The following NAALADL2 variants were observed in gnomAD, a reference collection of about 807,000 sequenced individuals.
The protein encoded by NAALADL2 is inactive N-acetylated-alpha-linked acidic dipeptidase-like protein 2.
A neutral mutation model predicts 87.2 loss-of-function variants in NAALADL2; 76 were observed. That is an observed-to-expected ratio of 0.87 (90% CI 0.72 to 1.05). The LOEUF is 1.05. Ranked by LOEUF, NAALADL2 falls within the 50% of genes least tolerant of loss-of-function variation. The probability of loss-of-function intolerance (pLI) is 0.00; values close to 1 mark genes in which losing one functional copy is unlikely to be tolerated. For missense variants in NAALADL2, 1,089 were observed against 945.8 expected (o/e 1.15, Z -1.99); for synonymous variants, 354 against 331.0 (o/e 1.07, Z -0.75).
rs540242637 is a variant in NAALADL2 at position 174,656,471 on chromosome 3, T to C, written c.-114-81170T>C. On this transcript the variant is annotated intron_variant, in intron 2 of 3. Transcript: ENST00000434257. ...GATTTAATTGAGAAAAAAATGAAAA[T>C]GTGAGTGTTCTCAAATGGAGAAGTG... 4.1e-4 allele frequency among the ~76,000 whole-genome samples: 63 copies of C among 152,118 alleles called. 1 individual carries two copies. Among genetic ancestry groups the C allele is most frequent in the Non-Finnish European group, 6.8e-4 (46 of 68,010 alleles).
intron 1 of NAALADL2, among the ~76,000 whole-genome samples, chr3:174,881,587 GT>G (rs1729202245): frequency 6.6e-6 from 1 of 151,992 alleles, no homozygotes; most frequent in Non-Finnish European, 1.5e-5. Context: ...ATGTTTGTTG[GT>G]TTATTATTTA....
intron 1 of NAALADL2, among the ~76,000 whole-genome samples, chr3:174,869,396 G>A (rs1452815593): frequency 6.6e-6 from 1 of 152,130 alleles, no homozygotes; most frequent in Non-Finnish European, 1.5e-5. Flanking sequence ...GTTCAGTGAA[G>A]GAAAGAATGA....
chr3:175,630,349 C>G (rs139155744), intron 11 of NAALADL2, among the ~76,000 whole-genome samples: 1,686 of 151,608 alleles, frequency 0.011, 31 homozygotes, highest in African/African-American at 0.038. Flanking sequence ...GTTTTATTTT[C>G]TACGACAAAA....
chr3:175,581,169 C>T (rs746414983), intron 10 of NAALADL2: 15 of 382,904 alleles, frequency 3.9e-5, no homozygotes, highest in South Asian at 2.1e-4. Context: ...AGGCCGGACG[C>T]GGTGGCTCAT....
At chr3:174,564,544 T>A (rs1714007934) in intron 2 of NAALADL2, among the ~76,000 whole-genome samples, 1 of 152,186 alleles carries the variant, frequency 6.6e-6, no homozygotes, top group African/African-American at 2.4e-5. Flanking sequence ...TGTTATACAT[T>A]TCTATAACTG....
At chr3:175,597,335 A>G (rs986702290) in intron 10 of NAALADL2, among the ~76,000 whole-genome samples, 2 of 152,030 alleles carry the variant, frequency 1.3e-5, no homozygotes, top group Non-Finnish European at 1.5e-5. Flanking sequence ...CTCAATAATC[A>G]ATACTGCAAG....
rs1394609578 is a variant in NAALADL2 at position 175,121,247 on chromosome 3, C to T, written c.545+23956C>T. Among the ~76,000 whole-genome samples the T allele has an allele frequency of 2.6e-5, 4 of 151,828 alleles. No individual in the cohort carries two copies. In the South Asian group the frequency reaches 6.2e-4, roughly 24 times the overall value. On this transcript the variant is annotated intron_variant, in intron 2 of 13. Coordinates refer to ENST00000454872, the MANE Select transcript of NAALADL2 (RefSeq NM_207015.3). ...TGTGTTGGTGATGGCTGGGTCATCACTGATTACATACTTGCCACCTGACTT... is the reference window on the plus strand; with the variant it reads ...TGTGTTGGTGATGGCTGGGTCATCATTGATTACATACTTGCCACCTGACTT...
rs554012156 is a variant in NAALADL2 at position 175,766,901 on chromosome 3, A to T, written c.2189+11483A>T. Among the ~76,000 whole-genome samples the T allele has an allele frequency of 7.9e-5, 12 of 152,294 alleles. No individual in the cohort carries two copies. In the East Asian group the frequency reaches 2.1e-3, roughly 27 times the overall value. ...TTTTCTTCTTATAATAAGAAAGTAG[A>T]TCTGTAAGCCACAAAAAAAATACGG... On this transcript the variant is annotated intron_variant, in intron 13 of 13. Coordinates refer to ENST00000454872, the MANE Select transcript of NAALADL2 (RefSeq NM_207015.3).
chr3:175,228,908 T>C (rs1219261039), intron 2 of NAALADL2, among the ~76,000 whole-genome samples: 1 of 151,936 alleles, frequency 6.6e-6, no homozygotes, highest in Admixed American at 6.6e-5. Context: ...TTGCAAAATA[T>C]ATCACATGAT....
At chr3:175,555,271 T>C (rs1413390108) in intron 9 of NAALADL2, among the ~76,000 whole-genome samples, 1 of 152,202 alleles carries the variant, frequency 6.6e-6, no homozygotes, top group East Asian at 1.9e-4. Flanking sequence ...CTGTCCACTA[T>C]AGTGCTCAAT....
chr3:174,796,618 C>G (rs993794897), intron 3 of NAALADL2, among the ~76,000 whole-genome samples: 1 of 151,670 alleles, frequency 6.6e-6, no homozygotes, highest in Non-Finnish European at 1.5e-5. Context: ...TGAATCCGTT[C>G]ATGTGGATGG....
rs886151328 is a variant in NAALADL2, at chr3:174,524,274, A to C, written c.-183-26295A>C. On this transcript the variant is annotated intron_variant, in intron 1 of 3. Coordinates refer to the NAALADL2 transcript ENST00000434257. ...TTGATATATCAAGGCTCACATAGAA[A>C]ATAATGAAATGATAATATTTATGTA... is the stretch of plus-strand genomic sequence containing the variant. Among the ~76,000 whole-genome samples the C allele has an allele frequency of 5.0e-4, 76 of 152,336 alleles. 1 individual carries two copies. The highest frequency in any genetic ancestry group is 1.8e-3 in the African/African-American group (74 of 41,582).
chr3:175,410,901 T>C (rs1482060479), intron 5 of NAALADL2, among the ~76,000 whole-genome samples: 2 of 152,086 alleles, frequency 1.3e-5, no homozygotes, highest in African/African-American at 4.8e-5. Context: ...GAGAGCAGGA[T>C]GTAAGATAGA....
At chr3:174,615,538 T>C (rs1720372413) in intron 2 of NAALADL2, among the ~76,000 whole-genome samples, 1 of 152,176 alleles carries the variant, frequency 6.6e-6, no homozygotes, top group Non-Finnish European at 1.5e-5. Flanking sequence ...AGGAAGATTT[T>C]TTTAAACCTT....
At chr3:174,599,264 TA>T (rs1718217072) in intron 2 of NAALADL2, among the ~76,000 whole-genome samples, 1 of 152,042 alleles carries the variant, frequency 6.6e-6, no homozygotes, top group African/African-American at 2.4e-5. Flanking sequence ...GTAGAGTGGC[TA>T]TAAGGTTGAT....
chr3:175,072,446 TTATC>T lies in NAALADL2; in HGVS notation c.44-24341_44-24338del. Among the ~76,000 whole-genome samples, 5 of 152,024 alleles carry T rather than the reference TTATC, an allele frequency of 3.3e-5. 2 individuals are homozygous for T. In the Middle Eastern group the frequency reaches 0.017, roughly 517 times the overall value. ...TATGAACATTTGAGGACATGCAAAA[TTATC>T]TAGCTATGTCTAAAATGAAAAGAGT... On this transcript the variant is annotated intron_variant, in intron 1 of 13. Transcript: ENST00000454872.
chr3:175,388,941 T>A (rs1160407196), intron 5 of NAALADL2, among the ~76,000 whole-genome samples: 1 of 152,142 alleles, frequency 6.6e-6, no homozygotes, highest in Non-Finnish European at 1.5e-5. Flanking sequence ...ATTGTTCTTT[T>A]ATAGAAAAAA....
rs148200238 is a variant in NAALADL2 at position 175,101,264 on chromosome 3, C to T, written c.545+3973C>T. Among the ~76,000 whole-genome samples the T allele has an allele frequency of 2.4e-3, 359 of 152,300 alleles. 5 individuals carry two copies. The highest frequency in any genetic ancestry group is 8.1e-3 in the African/African-American group (335 of 41,568). ...ATGCTAATTGCTATATTCTCCAATACACTATTCTTCTATTCCTATTCTCCA... is the reference window on the plus strand; with the variant it reads ...ATGCTAATTGCTATATTCTCCAATATACTATTCTTCTATTCCTATTCTCCA... On this transcript the variant is annotated intron_variant, in intron 2 of 13. Coordinates refer to ENST00000454872, the MANE Select transcript of NAALADL2 (RefSeq NM_207015.3).
chr3:175,062,476 C>CTGTGTGTGTGTGTG (rs71792051), intron 1 of NAALADL2, among the ~76,000 whole-genome samples: 5 of 131,484 alleles, frequency 3.8e-5, no homozygotes, highest in Admixed American at 7.7e-5. Flanking sequence ...GGAAGTTTGG[C>CTGTGTGTGTGTGTG]TGTGTGTGTG....
Sources: gnomAD v4.1 joint callset for allele counts (sites outside exome capture counted in the v4.1 genomes callset) on GRCh38, gnomAD v4.1.1 for gene constraint, MANE v1.5 for transcripts, NCBI Gene and HGNC (gene_info 2026-07-23, HGNC 2026-07-21) for gene names.